The following MTCL3 variants were observed in gnomAD, a reference collection of about 807,000 sequenced individuals.
MTCL3 encodes the protein MTCL family member 3.
the MTCL3 span, among the ~76,000 whole-genome samples, chr6:127,501,178 A>G: frequency 6.6e-6 from 1 of 152,248 alleles, no homozygotes; most frequent in Non-Finnish European, 1.5e-5. Flanking sequence ...CATGTATTAC[A>G]GAATAAAATT....
the MTCL3 span, chr6:127,514,696 G>T: frequency 1.4e-6 from 1 of 709,548 alleles, no homozygotes; most frequent in East Asian, 2.7e-5. Context: ...TGTGGTTAGC[G>T]CTACGAAACT....
the MTCL3 span, among the ~76,000 whole-genome samples, chr6:127,489,712 A>G: frequency 2.0e-5 from 3 of 152,390 alleles, no homozygotes; most frequent in South Asian, 4.1e-4. Context: ...TTACTCTTCA[A>G]TTCTATGAAA....
chr6:127,502,876 A>G, the MTCL3 span, among the ~76,000 whole-genome samples: 5 of 152,228 alleles, frequency 3.3e-5, no homozygotes, highest in Non-Finnish European at 7.3e-5. Flanking sequence ...CTGAAGTAAC[A>G]TAGCTATTAC....
chr6:127,479,015 T>TAAAAAAAA, the MTCL3 span, among the ~76,000 whole-genome samples: 1 of 52,330 alleles, frequency 1.9e-5, no homozygotes. Flanking sequence ...AGACTCCATC[T>TAAAAAAAA]AAAAAAAAAA....
At chr6:127,498,053 G>A in the MTCL3 span, among the ~76,000 whole-genome samples, 1 of 152,236 alleles carries the variant, frequency 6.6e-6, no homozygotes. Context: ...TTTCTTAGAT[G>A]CGACACCAAA....
At chr6:127,476,026 T>C in the MTCL3 span, 1 of 1,611,584 alleles carries the variant, frequency 6.2e-7, no homozygotes, top group South Asian at 1.1e-5. This position sits in a 1 kb window ranked among gnomAD's most constrained non-coding sequence, Gnocchi z 4.4. Context: ...GTTCTGCTCC[T>C]CCAGGTCGGC....
the MTCL3 span, chr6:127,515,892 G>GC: frequency 1.9e-6 from 3 of 1,611,438 alleles, no homozygotes; most frequent in East Asian, 4.5e-5. This position sits in a 1 kb window ranked among gnomAD's most constrained non-coding sequence, Gnocchi z 4.3. Context: ...CACCGCTGCC[G>GC]CCCCCCGCAA....
At chr6:127,513,332 G>T in the MTCL3 span, among the ~76,000 whole-genome samples, 1 of 152,156 alleles carries the variant, frequency 6.6e-6, no homozygotes, top group Non-Finnish European at 1.5e-5. Flanking sequence ...ACACTGCTGG[G>T]CTAAGAGGCC....
At chr6:127,499,247 G>C in the MTCL3 span, among the ~76,000 whole-genome samples, 1 of 152,118 alleles carries the variant, frequency 6.6e-6, no homozygotes, top group Non-Finnish European at 1.5e-5. Context: ...TAACAAGAAG[G>C]TCATAACGGG....
the MTCL3 span, among the ~76,000 whole-genome samples, chr6:127,487,951 C>T: frequency 6.6e-6 from 1 of 152,088 alleles, no homozygotes; most frequent in Non-Finnish European, 1.5e-5. Flanking sequence ...GACATTTTTT[C>T]AAAGCTCCCA....
At chr6:127,492,950 G>A in the MTCL3 span, among the ~76,000 whole-genome samples, 3 of 152,282 alleles carry the variant, frequency 2.0e-5, no homozygotes, top group South Asian at 4.1e-4. Context: ...GTATATAGGA[G>A]TTAAAAGCTA....
chr6:127,483,663 TA>T, the MTCL3 span, among the ~76,000 whole-genome samples: 2 of 152,220 alleles, frequency 1.3e-5, no homozygotes, highest in African/African-American at 4.8e-5. Context: ...TGATCCTAAT[TA>T]AAATTCAAAC....
the MTCL3 span, chr6:127,514,806 G>A: frequency 6.2e-7 from 1 of 1,600,804 alleles, no homozygotes; most frequent in East Asian, 2.2e-5. Context: ...GCGCCATTGA[G>A]CCCCCGCGCC....
At chr6:127,475,881 G>C in the MTCL3 span, 1 of 1,613,654 alleles carries the variant, frequency 6.2e-7, no homozygotes, top group Non-Finnish European at 8.5e-7. This position sits in a 1 kb window ranked among gnomAD's most constrained non-coding sequence, Gnocchi z 7.3. Flanking sequence ...CCTTGCCGCT[G>C]AGCTCGTTGA....
the MTCL3 span, among the ~76,000 whole-genome samples, chr6:127,504,564 G>A: frequency 2.6e-5 from 4 of 152,168 alleles, no homozygotes; most frequent in African/African-American, 9.7e-5. Flanking sequence ...GAGGGGAGTG[G>A]TGGAGAATAG....
At chr6:127,485,541 C>T in the MTCL3 span, among the ~76,000 whole-genome samples, 1 of 152,076 alleles carries the variant, frequency 6.6e-6, no homozygotes, top group Admixed American at 6.6e-5. Flanking sequence ...TACAAAGACA[C>T]AAGGGTGGCA....
At chr6:127,504,841 T>C in the MTCL3 span, among the ~76,000 whole-genome samples, 1 of 152,160 alleles carries the variant, frequency 6.6e-6, no homozygotes, top group African/African-American at 2.4e-5. Context: ...ATACAAACAT[T>C]TGGATGTTTA....
At chr6:127,473,214 T>A in the MTCL3 span, 1 of 1,393,164 alleles carries the variant, frequency 7.2e-7, no homozygotes, top group Non-Finnish European at 9.3e-7. Context: ...CTTTTACTTC[T>A]TGTCTTGAAG....
chr6:127,480,772 G>A, the MTCL3 span, among the ~76,000 whole-genome samples: 5 of 152,166 alleles, frequency 3.3e-5, no homozygotes, highest in South Asian at 2.1e-4. Flanking sequence ...TATGTGGATC[G>A]ATGGTTTGCA....
Sources: gnomAD v4.1 joint callset for allele counts (sites outside exome capture counted in the v4.1 genomes callset) on GRCh38, gnomAD v4.1.1 for gene constraint, Gnocchi (gnomAD v3.1) non-coding constraint, MANE v1.5 for transcripts, NCBI Gene and HGNC (gene_info 2026-07-23, HGNC 2026-07-21) for gene names.